The following CHD6 variants were observed in gnomAD, a reference collection of about 807,000 sequenced individuals.
CHD6 encodes the protein ATP-dependent chromatin remodeler CHD6.
A neutral mutation model predicts 276.9 loss-of-function variants in CHD6; 50 were observed. The ratio of observed to expected loss-of-function variants is 0.18; its 90% CI spans 0.14 to 0.23. The LOEUF is 0.23. CHD6 is among the 10% of genes least tolerant of loss of function. The pLI is 1.00. For synonymous variants in CHD6, 1,173 were observed against 1,229.3 expected (o/e 0.95, Z 0.96); for missense variants, 2,564 against 3,365.8 (o/e 0.76, Z 5.89).
At chr20:41,428,851 A>AT (rs2047445977) in intron 27 of CHD6, among the ~76,000 whole-genome samples, 1 of 152,220 alleles carries the variant, frequency 6.6e-6, no homozygotes, top group African/African-American at 2.4e-5. Context: ...TACAATGGGC[A>AT]TAAGAATAAT....
intron 2 of CHD6, among the ~76,000 whole-genome samples, chr20:41,544,011 A>G (rs1341299522): frequency 1.3e-5 from 2 of 152,176 alleles, no homozygotes; most frequent in Non-Finnish European, 2.9e-5. Flanking sequence ...AGGCCAAGAC[A>G]TGCGGATTGC....
At chr20:41,598,497 A>C (rs1450788370) in intron 1 of CHD6, among the ~76,000 whole-genome samples, 1 of 152,158 alleles carries the variant, frequency 6.6e-6, no homozygotes, top group Non-Finnish European at 1.5e-5. Flanking sequence ...CAGAAACCCA[A>C]ATCATCCCCT....
intron 2 of CHD6, 140 bp downstream of exon 2, chr20:41,551,165 G>C (rs1179897968): frequency 1.5e-6 from 1 of 651,418 alleles, no homozygotes; most frequent in East Asian, 3.0e-5. Flanking sequence ...ATTCAGAACA[G>C]AGCTCTCAGT....
rs764835276 is a variant in CHD6, at chr20:41,437,274, C to T, written c.4068G>A (p.Thr1356=). 37 of 1,610,492 alleles carry T rather than the reference C, an allele frequency of 2.3e-5. No homozygotes were observed. Among genetic ancestry groups the T allele is most frequent in the African/African-American group, 9.4e-5 (7 of 74,808 alleles). The change falls in exon 27 of 37, where the codon ACG becomes ACA. Residue 1356 remains threonine, a splice_region_variant and synonymous_variant. Transcript: ENST00000373233. Reference sequence around the variant, plus strand: ...GACCAATACTGCACATTTGACTCACCGTTTGTTTCTGGAGGCCATCTACTT... The same window carrying T: ...GACCAATACTGCACATTTGACTCACTGTTTGTTTCTGGAGGCCATCTACTT... ...EDKVDGLQKQ[T]ESSSDGGDGV... is the part of the protein sequence containing the mutation.
intron 25 of CHD6, among the ~76,000 whole-genome samples, chr20:41,441,713 G>A (rs1224081457): frequency 6.6e-6 from 1 of 152,204 alleles, no homozygotes; most frequent in African/African-American, 2.4e-5. Context: ...GAAGCTGGAG[G>A]TGAGGAAGAA....
chr20:41,601,342 C>A (rs1029420755), intron 1 of CHD6, among the ~76,000 whole-genome samples: 1 of 152,204 alleles, frequency 6.6e-6, no homozygotes, highest in Non-Finnish European at 1.5e-5. Flanking sequence ...TACTACTGGA[C>A]ATGCCTTACA....
rs745328611 is a variant in CHD6, at chr20:41,403,207, T to A, written c.*1386A>T. 1.2e-5 allele frequency: 12 copies of A among 990,052 alleles called. No individual in the cohort carries two copies. The highest frequency in any genetic ancestry group is 5.3e-5 in the East Asian group (1 of 18,998). 61.3% of individuals were successfully genotyped at this position (990,052 alleles called of 1,614,324 possible). A position where few individuals can be genotyped will look rare whatever the true frequency, so the allele number is the denominator to read the frequency against. On this transcript the variant is annotated 3_prime_UTR_variant, in exon 37 of 37. Transcript: ENST00000373233. ...TACAGTAAATTGTGACAACAAAAAG[T>A]GAAACTGGTACTAGTAACACTTGCA... is the stretch of plus-strand genomic sequence containing the variant.
intron 1 of CHD6, among the ~76,000 whole-genome samples, chr20:41,586,414 G>A (rs1223615430): frequency 6.6e-6 from 1 of 152,172 alleles, no homozygotes; most frequent in African/African-American, 2.4e-5. Context: ...CATCCTAATC[G>A]AGCTGAATGC....
chr20:41,472,130 A>G (rs2043067563), intron 17 of CHD6, among the ~76,000 whole-genome samples: 1 of 152,000 alleles, frequency 6.6e-6, no homozygotes, highest in African/African-American at 2.4e-5. Context: ...GCTACGCAGG[A>G]GGCTGAGGCA....
rs1271331007 is a variant in CHD6, at chr20:41,425,160, T to C, written c.4346+18A>G. On this transcript the variant is annotated intron_variant, in intron 29 of 36. Coordinates refer to ENST00000373233, the MANE Select transcript of CHD6 (RefSeq NM_032221.5). ...CCAGTGGGTGGCTGAGCATGCCCCT[T>C]TGGCCACTGGCTTTTACCTCTTTTG... The C allele has an allele frequency of 6.2e-7, 1 of 1,609,382 alleles. No individual in the cohort carries two copies. The highest frequency in any genetic ancestry group is 1.3e-5 in the African/African-American group (1 of 74,838).
intron 1 of CHD6, among the ~76,000 whole-genome samples, chr20:41,605,306 T>TA (rs1314652005): frequency 2.0e-5 from 3 of 152,224 alleles, no homozygotes; most frequent in African/African-American, 7.2e-5. Context: ...CCTTTAAGTA[T>TA]AAAAAATGTT....
At chr20:41,425,950 T>C (rs899911181) in intron 28 of CHD6, 143 bp downstream of exon 28, 7 of 725,554 alleles carry the variant, frequency 9.6e-6, no homozygotes, top group Non-Finnish European at 1.7e-5. Flanking sequence ...TGTGTGACTC[T>C]AGGGGAGTTT....
intron 27 of CHD6, among the ~76,000 whole-genome samples, chr20:41,436,194 G>A (rs922805685): frequency 2.6e-5 from 4 of 152,178 alleles, no homozygotes; most frequent in Admixed American, 2.6e-4. Flanking sequence ...TTAGAATATA[G>A]GCAAGAGACA....
chr20:41,548,310 C>T (rs2045082102), intron 2 of CHD6, among the ~76,000 whole-genome samples: 1 of 152,104 alleles, frequency 6.6e-6, no homozygotes, highest in Non-Finnish European at 1.5e-5. Context: ...ATCAAAATTA[C>T]CATGAGGTCC....
Position 41,404,273 on chromosome 20 carries a change from T to A in CHD6, c.*320A>T. ...GACAGCTTTCTTTTGCCATTTTTCCTCCTCAAGTGAGTGGGAAACTTGGAA... is the reference window on the plus strand; with the variant it reads ...GACAGCTTTCTTTTGCCATTTTTCCACCTCAAGTGAGTGGGAAACTTGGAA... On this transcript the variant is annotated 3_prime_UTR_variant, in exon 37 of 37. Coordinates refer to ENST00000373233, the MANE Select transcript of CHD6 (RefSeq NM_032221.5). 9.1e-7 allele frequency: 1 copy of A among 1,099,322 alleles called. No individual in the cohort carries two copies. Among genetic ancestry groups the A allele is most frequent in the Non-Finnish European group, 1.1e-6 (1 of 902,980 alleles). 68.1% of individuals were successfully genotyped at this position (1,099,322 alleles called of 1,614,324 possible). A position where few individuals can be genotyped will look rare whatever the true frequency, so the allele number is the denominator to read the frequency against.
chr20:41,530,365 G>A (rs2044653815), intron 3 of CHD6, among the ~76,000 whole-genome samples: 1 of 152,164 alleles, frequency 6.6e-6, no homozygotes, highest in Admixed American at 6.5e-5. Flanking sequence ...ACTGAGGGAG[G>A]AAAAGGCCAG....
At chr20:41,448,509 C>T (rs1282473762) in intron 23 of CHD6, among the ~76,000 whole-genome samples, 1 of 152,202 alleles carries the variant, frequency 6.6e-6, no homozygotes, top group East Asian at 1.9e-4. Flanking sequence ...TCAGACAAAG[C>T]AATTAAGCAA....
intron 24 of CHD6, among the ~76,000 whole-genome samples, chr20:41,446,884 AT>A (rs1368054687): frequency 6.6e-6 from 1 of 152,204 alleles, no homozygotes; most frequent in African/African-American, 2.4e-5. Context: ...GCTACCACCT[AT>A]GACTTCCTAC....
intron 15 of CHD6, 48 bp from the exon 16 acceptor site, chr20:41,483,567 A>T: frequency 7.2e-7 from 1 of 1,389,286 alleles, no homozygotes; most frequent in Non-Finnish European, 9.9e-7. Flanking sequence ...ATATAAGGAT[A>T]AAGGTTGTAC....
Sources: gnomAD v4.1 joint callset for allele counts (sites outside exome capture counted in the v4.1 genomes callset) on GRCh38, gnomAD v4.1.1 for gene constraint, MANE v1.5 for transcripts, NCBI Gene and HGNC (gene_info 2026-07-23, HGNC 2026-07-21) for gene names.